Variants in ZNF384 observed in about 807,000 individuals in gnomAD.
The protein encoded by ZNF384 is CAG repeat protein 1.
Under a neutral mutation model 65.0 loss-of-function variants are expected in ZNF384, and 20 were observed. The ratio of observed to expected loss-of-function variants is 0.31; its 90% confidence interval spans 0.22 to 0.45. ZNF384 has a LOEUF of 0.45. Ranked by LOEUF, ZNF384 falls within the 20% of genes least tolerant of loss-of-function variation. ZNF384 has a pLI of 1.00. For synonymous variants in ZNF384, 310 were observed against 303.9 expected (o/e 1.02, Z -0.21); for missense variants, 549 against 769.4 (o/e 0.71, Z 3.39).
intron 2 of ZNF384, among the ~76,000 whole-genome samples, chr12:6,680,519 A>C (rs1955519998): frequency 6.6e-6 from 1 of 152,052 alleles, no homozygotes; most frequent in Non-Finnish European, 1.5e-5. Flanking sequence ...GTGGTGGCAC[A>C]TGCCTGTGAT....
At position 6,672,264 on chromosome 12, in the gene ZNF384, G is replaced by C. The variant is rs530010592; in HGVS notation, c.1187+86C>G. ...CAGCCAGGTCTCTCCCCCGCCCCCC[G>C]CATGCGGGTTGTTGTGTGTGTCCGG... On this transcript the variant is annotated intron_variant, in intron 9 of 11. Transcript: ENST00000683879. This position sits in a 1 kb window ranked among gnomAD's most constrained non-coding sequence, Gnocchi z 4.4. 2 of 1,422,836 alleles carry C rather than the reference G, an allele frequency of 1.4e-6. No homozygotes were observed. The highest frequency in any genetic ancestry group is 1.4e-5 in the African/African-American group (1 of 70,644). 88.1% of individuals were successfully genotyped at this position (1,422,836 alleles called of 1,614,324 possible).
At chr12:6,669,270 G>A (rs2136406053) in intron 10 of ZNF384, 81 bp from the exon 11 acceptor site, 3 of 1,420,844 alleles carry the variant, frequency 2.1e-6, no homozygotes, top group African/African-American at 1.4e-5. Flanking sequence ...AAGCAAAAAG[G>A]TAGGTGTCAG....
At chr12:6,670,716 C>T (rs1951195470) in intron 10 of ZNF384, 44 bp downstream of exon 10, 1 of 1,561,488 alleles carries the variant, frequency 6.4e-7, no homozygotes, top group Admixed American at 1.7e-5. Flanking sequence ...CAAATGGCCC[C>T]ATGTCTCAGA....
rs890781821 is a variant in ZNF384 at position 6,672,835 on chromosome 12, C to T, written c.1005-303G>A. On this transcript the variant is annotated intron_variant, in intron 8 of 11. Coordinates refer to ENST00000683879, the MANE Select transcript of ZNF384 (RefSeq NM_001385745.1). This position sits in a 1 kb window ranked among gnomAD's most constrained non-coding sequence, Gnocchi z 4.4. ...CTTTCTCCTAAGGTTAACACACTCACCACAGACACCCTGCTTCCAAATAGT... is the reference window on the plus strand; with the variant it reads ...CTTTCTCCTAAGGTTAACACACTCATCACAGACACCCTGCTTCCAAATAGT... Among the ~76,000 whole-genome samples the T allele has an allele frequency of 1.2e-4, 18 of 152,160 alleles. No homozygotes were observed. The highest frequency in any genetic ancestry group is 4.3e-4 in the African/African-American group (18 of 41,420).
chr12:6,679,209 G>A (rs370341662), intron 3 of ZNF384, 26 bp from the exon 4 acceptor site: 5 of 1,543,022 alleles, frequency 3.2e-6, no homozygotes, highest in Non-Finnish European at 4.4e-6. Flanking sequence ...GGGGACGGGA[G>A]CACCCTCTTC....
intron 2 of ZNF384, among the ~76,000 whole-genome samples, chr12:6,686,546 G>A (rs1467298039): frequency 1.3e-5 from 2 of 152,224 alleles, no homozygotes; most frequent in Non-Finnish European, 2.9e-5. Flanking sequence ...AAGCCACCGT[G>A]CCCGGCCAAG....
Position 6,673,416 on chromosome 12 carries a change from G to A in ZNF384, c.804C>T (p.Phe268=). The change falls in exon 8 of 12, where the codon TTC becomes TTT. Residue 268 remains phenylalanine, a synonymous_variant. Transcript: ENST00000683879. The surrounding 1 kb of genome is among the most constrained non-coding windows in gnomAD (Gnocchi z 4.7). ...DPGCRMCSLT[F]YSKSEMQIHS... is the part of the protein sequence containing the mutation. ...GGATCTGCATCTCCGACTTGGAGTA[G>A]AATGTCAGTGAGCACATCCGGCACC... The A allele has an allele frequency of 6.2e-7, 1 of 1,614,082 alleles. No homozygotes were observed. Among genetic ancestry groups the A allele is most frequent in the East Asian group, 2.2e-5 (1 of 44,878 alleles).
chr12:6,671,150 A>G (rs1951339776), intron 9 of ZNF384, among the ~76,000 whole-genome samples: 2 of 152,250 alleles, frequency 1.3e-5, no homozygotes, highest in South Asian at 4.1e-4. Context: ...CCTAACGAAC[A>G]TTCAAGAACA....
intron 2 of ZNF384, among the ~76,000 whole-genome samples, chr12:6,681,509 C>A (rs1048926535): frequency 1.3e-5 from 2 of 152,172 alleles, no homozygotes; most frequent in African/African-American, 4.8e-5. Context: ...GGCTGCTACT[C>A]TGAGCAAAGC....
At chr12:6,683,294 A>T (rs977748739) in intron 2 of ZNF384, among the ~76,000 whole-genome samples, 59 of 152,102 alleles carry the variant, frequency 3.9e-4, no homozygotes, top group Middle Eastern at 3.4e-3. Context: ...GTCTCAAAAA[A>T]AAAATAAAAT....
intron 11 of ZNF384, 78 bp downstream of exon 11, chr12:6,668,953 C>A: frequency 6.8e-7 from 1 of 1,474,082 alleles, no homozygotes; most frequent in South Asian, 1.4e-5. Flanking sequence ...TGCAACAGAT[C>A]TCTACCCAGA....
intron 3 of ZNF384, 132 bp from the exon 4 acceptor site, chr12:6,679,315 G>C: frequency 1.7e-6 from 2 of 1,211,310 alleles, no homozygotes; most frequent in Middle Eastern, 4.0e-4. Context: ...TGGCCTTCTA[G>C]AGAGAAGCCC....
intron 2 of ZNF384, among the ~76,000 whole-genome samples, chr12:6,687,888 A>G (rs1448480460): frequency 6.6e-6 from 1 of 152,144 alleles, no homozygotes. Flanking sequence ...ACAAGGCAAC[A>G]CTATTCAGTG....
chr12:6,674,811 A>G (rs371517630), intron 7 of ZNF384, among the ~76,000 whole-genome samples: 5 of 152,346 alleles, frequency 3.3e-5, no homozygotes, highest in East Asian at 1.9e-4. Context: ...TAGGACAGTC[A>G]AAGGTAAGCC....
intron 10 of ZNF384, 101 bp downstream of exon 10, chr12:6,670,659 T>C (rs1046217462): frequency 1.8e-6 from 2 of 1,100,194 alleles, no homozygotes; most frequent in African/African-American, 1.5e-5. Context: ...TCAATAATGT[T>C]TGAGTGTAAA....
intron 3 of ZNF384, 44 bp from the exon 4 acceptor site, chr12:6,679,227 G>C (rs1954934005): frequency 2.0e-6 from 3 of 1,498,684 alleles, no homozygotes; most frequent in Middle Eastern, 1.8e-4. Flanking sequence ...TTCAGCCTGA[G>C]AGGCTGATTC....
At chr12:6,679,686 T>C (rs1284462748) in intron 2 of ZNF384, among the ~76,000 whole-genome samples, 161 bp from the exon 3 acceptor site, 4 of 152,316 alleles carry the variant, frequency 2.6e-5, no homozygotes, top group Middle Eastern at 3.4e-3. Context: ...AGTCCCTTGG[T>C]CAGAGCCCCT....
intron 2 of ZNF384, among the ~76,000 whole-genome samples, chr12:6,684,421 T>C (rs557997136): frequency 1.4e-4 from 21 of 152,374 alleles, no homozygotes; most frequent in South Asian, 4.1e-4. Context: ...CAAAATGACA[T>C]GCAGTTCAAG....
Position 6,672,127 on chromosome 12 carries a change from T to C in ZNF384, c.1187+223A>G, listed in dbSNP as rs1951726766. 3 of 539,716 alleles carry C rather than the reference T, an allele frequency of 5.6e-6. No homozygotes were observed. The highest frequency in any genetic ancestry group is 4.9e-4 in the Middle Eastern group (1 of 2,034). The allele number at this position is 539,716 out of a possible 1,614,324, so 33.4% of individuals were successfully genotyped here. A position where few individuals can be genotyped will look rare whatever the true frequency, so the allele number is the denominator to read the frequency against. On this transcript the variant is annotated intron_variant, in intron 9 of 11. Coordinates refer to ENST00000683879, the MANE Select transcript of ZNF384 (RefSeq NM_001385745.1). The surrounding 1 kb of genome is among the most constrained non-coding windows in gnomAD (Gnocchi z 4.4). ...CTCCCATGGATCAGTGAATATCATA[T>C]AGTCACTGCAGCTCCCCGACGTAGC... is the stretch of plus-strand genomic sequence containing the variant.
Sources: allele counts gnomAD v4.1 joint callset (sites outside exome capture counted in the v4.1 genomes callset), GRCh38; gene constraint gnomAD v4.1.1; non-coding constraint Gnocchi (gnomAD v3.1); transcripts MANE v1.5; gene names NCBI Gene and HGNC (gene_info 2026-07-23, HGNC 2026-07-21).